The following CD300A variants were observed in gnomAD, a reference collection of about 807,000 sequenced individuals.
The protein encoded by CD300A is CMRF35-like molecule 8.
CD300A carries 22 observed loss-of-function variants against 33.6 expected under a neutral mutation model. The ratio of observed to expected loss-of-function variants is 0.66; its 90% CI spans 0.47 to 0.94. CD300A has a LOEUF of 0.94. Ranked by LOEUF, CD300A falls within the 40% of genes least tolerant of loss-of-function variation. CD300A has a pLI of 0.00. For missense variants in CD300A, 326 were observed against 360.5 expected (o/e 0.90, Z 0.77); for synonymous variants, 136 against 148.1 (o/e 0.92, Z 0.59).
chr17:74,466,912 C>T, intron 1 of CD300A, 169 bp downstream of exon 1: 1 of 1,462,106 alleles, frequency 6.8e-7, no homozygotes, highest in East Asian at 2.5e-5. Context: ...GTCCACACCC[C>T]TGGGAGAGGA....
intron 1 of CD300A, among the ~76,000 whole-genome samples, chr17:74,468,743 G>A (rs770120424): frequency 6.6e-6 from 1 of 151,932 alleles, no homozygotes; most frequent in Non-Finnish European, 1.5e-5. Flanking sequence ...TGCAACCTCC[G>A]CCTCCCGGGT....
intron 2 of CD300A, among the ~76,000 whole-genome samples, 172 bp from the exon 3 acceptor site, chr17:74,474,360 A>G (rs1245545021): frequency 6.6e-6 from 1 of 152,194 alleles, no homozygotes; most frequent in Non-Finnish European, 1.5e-5. Context: ...TGTCCTGTTC[A>G]GAAATGCCCA....
At position 74,474,539 on chromosome 17, in the gene CD300A, G is replaced by A. The variant is rs369450007; in HGVS notation, c.387G>A (p.Thr129=). The stretch of plus-strand genomic sequence containing the variant: ...TTGTGGTTTTGCCACCAGCATCAAC[G>A]TCAATGACACCTGCAAGTATCACTG... ...EVEVSVFPAS[T]SMTPASITAA... The change falls in exon 3 of 7, where the codon ACG becomes ACA. Residue 129 remains threonine (T), a synonymous_variant. Coordinates refer to ENST00000360141, the MANE Select transcript of CD300A (RefSeq NM_007261.4). The A allele has an allele frequency of 4.2e-5, 67 of 1,613,840 alleles. No individual in the cohort carries two copies. The highest frequency in any genetic ancestry group is 5.2e-5 in the Non-Finnish European group (61 of 1,179,924).
intron 3 of CD300A, among the ~76,000 whole-genome samples, chr17:74,475,650 C>T (rs1906412340): frequency 1.3e-5 from 2 of 152,144 alleles, no homozygotes; most frequent in Non-Finnish European, 2.9e-5. Context: ...CACAAAACCC[C>T]ACAATTCCAT....
chr17:74,482,952 C>T (rs989327474), intron 6 of CD300A, among the ~76,000 whole-genome samples: 1 of 151,832 alleles, frequency 6.6e-6, no homozygotes, highest in African/African-American at 2.4e-5. Context: ...TCAAGTGATC[C>T]GCCTGCCCTG....
chr17:74,481,284 T>C lies in CD300A; in HGVS notation c.629-5T>C, dbSNP rs1377313777. The C allele has an allele frequency of 6.2e-7, 1 of 1,613,718 alleles. No individual in the cohort carries two copies. Among genetic ancestry groups the C allele is most frequent in the Non-Finnish European group, 8.5e-7 (1 of 1,179,924 alleles). ...TCAACCTCCTTCCTCTCCTCTTGTC[T>C]CTAGCTGGTGACCATTCAGAGCTGT... is the stretch of plus-strand genomic sequence containing the variant. On this transcript the variant is annotated splice_region_variant and splice_polypyrimidine_tract_variant and intron_variant, in intron 4 of 6. Coordinates refer to ENST00000360141, the MANE Select transcript of CD300A (RefSeq NM_007261.4).
At chr17:74,482,683 T>TTCCA (rs1385677006) in intron 6 of CD300A, among the ~76,000 whole-genome samples, 10 of 107,266 alleles carry the variant, frequency 9.3e-5, no homozygotes, top group Non-Finnish European at 1.7e-4. Flanking sequence ...GCCAAGTTCC[T>TTCCA]TCCTTCCTTC....
chr17:74,474,492 A>G, intron 2 of CD300A, 40 bp from the exon 3 acceptor site: 1 of 1,604,728 alleles, frequency 6.2e-7, no homozygotes, highest in Non-Finnish European at 8.5e-7. Context: ...GGAGAGCCAG[A>G]GGACAGCTCC....
intron 6 of CD300A, among the ~76,000 whole-genome samples, chr17:74,483,461 A>G (rs185300779): frequency 1.5e-4 from 23 of 150,446 alleles, no homozygotes; most frequent in Admixed American, 1.3e-3. Context: ...GGTTCAAGCG[A>G]TCCTCCTGCC....
chr17:74,469,069 CCT>C (rs1388942060), intron 1 of CD300A, among the ~76,000 whole-genome samples: 1 of 152,074 alleles, frequency 6.6e-6, no homozygotes, highest in Non-Finnish European at 1.5e-5. Flanking sequence ...GGGAGATCTC[CCT>C]GTTTCCGTGT....
intron 1 of CD300A, among the ~76,000 whole-genome samples, chr17:74,471,724 G>T (rs1391555451): frequency 6.6e-6 from 1 of 152,174 alleles, no homozygotes; most frequent in Non-Finnish European, 1.5e-5. Context: ...ACATCCAGGC[G>T]TGGAGAGGTT....
At chr17:74,472,237 C>CAA (rs11435286) in intron 1 of CD300A, among the ~76,000 whole-genome samples, 4,951 of 135,244 alleles carry the variant, frequency 0.037, 119 homozygotes, top group Middle Eastern at 0.09. Flanking sequence ...GACTCCATCT[C>CAA]AAAAAAAAAA....
chr17:74,469,768 T>C lies in CD300A; in HGVS notation c.40+3025T>C, dbSNP rs567747420. Among the ~76,000 whole-genome samples, 253 of 152,230 alleles carry C rather than the reference T, an allele frequency of 1.7e-3. 2 individuals are homozygous for C. The highest frequency in any genetic ancestry group is 3.4e-3 in the Middle Eastern group (1 of 294). On this transcript the variant is annotated intron_variant, in intron 1 of 6. Coordinates refer to ENST00000360141, the MANE Select transcript of CD300A (RefSeq NM_007261.4). ...TGAACCCAGGAGGCGGAGGTTGCAG[T>C]GAGCCGAGATCATGCCACTGAGCTC...
Position 74,474,628 on chromosome 17 carries a change from T to G in CD300A, c.476T>G (p.Val159Gly). 6.2e-7 allele frequency: 1 copy of G among 1,614,142 alleles called. No homozygotes were observed. Among genetic ancestry groups the G allele is most frequent in the African/African-American group, 1.3e-5 (1 of 75,048 alleles). ...GTATCATCCACTACCCTGTTTGCAG[T>G]GGGTGCCACCCACAGTGCCAGCATC... ...PPVSSTTLFA[V>G]GATHSASIQE... Residue 159 changes from valine to glycine, a missense_variant, in exon 3 of 7, where the codon GTG (valine) becomes GGG (glycine). Physicochemically the swap from Val to Gly is moderately radical, Grantham distance 109. Coordinates refer to ENST00000360141, the MANE Select transcript of CD300A (RefSeq NM_007261.4).
chr17:74,471,998 T>G (rs2144509173), intron 1 of CD300A, among the ~76,000 whole-genome samples: 1 of 152,214 alleles, frequency 6.6e-6, no homozygotes, highest in Admixed American at 6.5e-5. Flanking sequence ...CCCAGCACTT[T>G]GGGAGGCCGA....
chr17:74,472,614 T>A (rs958273034), intron 1 of CD300A, among the ~76,000 whole-genome samples: 3 of 145,828 alleles, frequency 2.1e-5, no homozygotes, highest in Non-Finnish European at 4.5e-5. Flanking sequence ...TTGTGACTCT[T>A]TTTTTTTTTT....
chr17:74,469,136 G>T (rs979040243), intron 1 of CD300A, among the ~76,000 whole-genome samples: 31 of 152,096 alleles, frequency 2.0e-4, no homozygotes, highest in African/African-American at 7.2e-4. Context: ...AGTTTTTAGA[G>T]AACTAGCTTG....
At chr17:74,479,800 C>A (rs1396239075) in intron 4 of CD300A, among the ~76,000 whole-genome samples, 1 of 151,942 alleles carries the variant, frequency 6.6e-6, no homozygotes, top group African/African-American at 2.4e-5. Flanking sequence ...CTTCCCCTTG[C>A]CCTGCCTGGA....
At chr17:74,470,654 A>AT (rs1259066261) in intron 1 of CD300A, among the ~76,000 whole-genome samples, 8 of 141,806 alleles carry the variant, frequency 5.6e-5, no homozygotes, top group African/African-American at 1.2e-4. Flanking sequence ...GACAGTTTTT[A>AT]TTTATTTTTT....
Sources: allele counts gnomAD v4.1 joint callset (sites outside exome capture counted in the v4.1 genomes callset), GRCh38; gene constraint gnomAD v4.1.1; transcripts MANE v1.5; gene names NCBI Gene and HGNC (gene_info 2026-07-23, HGNC 2026-07-21).